The following GFRA2 variants were observed in gnomAD, a reference collection of about 807,000 sequenced individuals.
The protein encoded by GFRA2 is GDNF family receptor alpha 2.
Under a neutral mutation model 48.3 loss-of-function variants are expected in GFRA2, and 17 were observed. The observed-to-expected ratio is 0.35, with a 90% CI of 0.24 to 0.53. The LOEUF (loss-of-function observed/expected upper bound fraction) is 0.53. GFRA2 is among the 20% of genes least tolerant of loss of function. GFRA2 has a pLI of 0.93. For missense variants in GFRA2, 660 were observed against 637.3 expected (o/e 1.04, Z -0.38); for synonymous variants, 305 against 257.2 (o/e 1.19, Z -1.78).
At chr8:21,696,979 A>T in intron 7 of GFRA2, among the ~76,000 whole-genome samples, 1 of 109,180 alleles carries the variant, frequency 9.2e-6, no homozygotes, top group Non-Finnish European at 1.8e-5. Context: ...GGGACAAAGG[A>T]GAGGGCAGGG....
At chr8:21,763,953 ACACACACACACACAC>A (rs1344209247) in intron 3 of GFRA2, among the ~76,000 whole-genome samples, 1 of 218 alleles carries the variant, frequency 4.6e-3, no homozygotes. Flanking sequence ...ACTAGGTAAC[ACACACACACACACAC>A]ACACACACAC....
At chr8:21,773,214 C>T (rs984652955) in intron 3 of GFRA2, among the ~76,000 whole-genome samples, 60 of 152,372 alleles carry the variant, frequency 3.9e-4, no homozygotes, top group African/African-American at 1.3e-3. Flanking sequence ...TACCGTAGAG[C>T]TGCCATGGTG....
intron 4 of GFRA2, among the ~76,000 whole-genome samples, chr8:21,738,400 G>C (rs958315589): frequency 2.0e-5 from 3 of 151,086 alleles, no homozygotes; most frequent in Non-Finnish European, 4.4e-5. Flanking sequence ...CTCTGCCTTG[G>C]TCCTATCTCA....
chr8:21,729,223 G>A (rs565399608), intron 4 of GFRA2, among the ~76,000 whole-genome samples: 13 of 152,176 alleles, frequency 8.5e-5, no homozygotes, highest in East Asian at 3.8e-4. Context: ...CCAGCTACTC[G>A]GGAGGCTGAG....
At chr8:21,721,645 C>T (rs1803600229) in intron 4 of GFRA2, among the ~76,000 whole-genome samples, 1 of 152,204 alleles carries the variant, frequency 6.6e-6, no homozygotes, top group South Asian at 2.1e-4. Flanking sequence ...ATAGAATTGG[C>T]TGTATACCTG....
At chr8:21,777,720 C>T (rs1806777467) in intron 2 of GFRA2, among the ~76,000 whole-genome samples, 3 of 152,174 alleles carry the variant, frequency 2.0e-5, no homozygotes, top group African/African-American at 7.2e-5. Context: ...GTGAGGAAAA[C>T]GGGGCCCAGG....
chr8:21,773,289 G>T (rs1426342360), intron 3 of GFRA2, among the ~76,000 whole-genome samples: 4 of 152,298 alleles, frequency 2.6e-5, no homozygotes, highest in African/African-American at 9.6e-5. Context: ...CCCACTGGGG[G>T]TTATGATGCT....
At chr8:21,784,253 C>T (rs1007799768) in intron 1 of GFRA2, 3 of 455,476 alleles carry the variant, frequency 6.6e-6, no homozygotes, top group African/African-American at 2.0e-5. Context: ...TCTTCCCAGT[C>T]CCCCTGTCCT....
chr8:21,698,133 T>C (rs1488248353), intron 7 of GFRA2, among the ~76,000 whole-genome samples: 1 of 152,174 alleles, frequency 6.6e-6, no homozygotes, highest in Non-Finnish European at 1.5e-5. Flanking sequence ...CCTAGAGGCA[T>C]CTGTGGCTCC....
intron 4 of GFRA2, among the ~76,000 whole-genome samples, chr8:21,720,356 T>C (rs1399464516): frequency 6.6e-6 from 1 of 152,192 alleles, no homozygotes; most frequent in Non-Finnish European, 1.5e-5. Context: ...CTCACCTTTC[T>C]GTGACTGAGC....
At chr8:21,776,151 G>A (rs982825701) in intron 2 of GFRA2, among the ~76,000 whole-genome samples, 157 of 152,182 alleles carry the variant, frequency 1.0e-3, no homozygotes, top group African/African-American at 3.6e-3. Flanking sequence ...AGCCTCTTCA[G>A]GGTTACCTGC....
intron 3 of GFRA2, among the ~76,000 whole-genome samples, chr8:21,759,097 A>G (rs1805739721): frequency 6.6e-6 from 1 of 152,160 alleles, no homozygotes; most frequent in Non-Finnish European, 1.5e-5. Flanking sequence ...AAACACAAAA[A>G]TACATAAAAA....
At chr8:21,808,898 T>C (rs1446681372) in intron 1 of GFRA2, among the ~76,000 whole-genome samples, 1 of 152,276 alleles carries the variant, frequency 6.6e-6, no homozygotes, top group Non-Finnish European at 1.5e-5. Context: ...AAAATGAGTT[T>C]ACAGTACAAT....
intron 3 of GFRA2, among the ~76,000 whole-genome samples, chr8:21,758,008 A>AG (rs1479310640): frequency 6.6e-6 from 1 of 152,040 alleles, no homozygotes; most frequent in East Asian, 1.9e-4. Flanking sequence ...ATGCACTCGG[A>AG]GGGGGAAGTC....
chr8:21,701,713 G>T (rs1444035533), intron 7 of GFRA2, among the ~76,000 whole-genome samples: 1 of 152,202 alleles, frequency 6.6e-6, no homozygotes, highest in East Asian at 1.9e-4. Context: ...TCTCCACTGA[G>T]ATCAAACCAA....
chr8:21,697,597 G>A (rs1363337414), intron 7 of GFRA2, among the ~76,000 whole-genome samples: 1 of 152,144 alleles, frequency 6.6e-6, no homozygotes, highest in Non-Finnish European at 1.5e-5. Context: ...CAAATTCAGT[G>A]CCTCCCTGCC....
intron 8 of GFRA2, among the ~76,000 whole-genome samples, chr8:21,694,037 T>C (rs953754407): frequency 1.7e-5 from 2 of 117,386 alleles, no homozygotes; most frequent in Admixed American, 8.3e-5. Flanking sequence ...ACGTCATATA[T>C]ATGAGATATA....
upstream of GFRA2, among the ~76,000 whole-genome samples, chr8:21,790,254 G>T (rs1807530719): frequency 1.3e-5 from 2 of 152,200 alleles, no homozygotes; most frequent in South Asian, 4.1e-4. Context: ...CGGCCCTCGC[G>T]CCACGTTCCT....
chr8:21,759,062 C>T (rs2117632977), intron 3 of GFRA2, among the ~76,000 whole-genome samples: 1 of 152,296 alleles, frequency 6.6e-6, no homozygotes, highest in African/African-American at 2.4e-5. Context: ...ACAGCTTTCA[C>T]TCTAGTAAGG....
Sources: gnomAD v4.1 joint callset for allele counts (sites outside exome capture counted in the v4.1 genomes callset) on GRCh38, gnomAD v4.1.1 for gene constraint, MANE v1.5 for transcripts, NCBI Gene and HGNC (gene_info 2026-07-23, HGNC 2026-07-21) for gene names.